GALNT9: variants seen among roughly 807,000 people sequenced by gnomAD.
The protein encoded by GALNT9 is GalNAc transferase 9.
In GALNT9, 47 loss-of-function variants were observed where a neutral mutation model predicts 63.1. The ratio of observed to expected loss-of-function variants is 0.75; its 90% CI spans 0.59 to 0.95. The LOEUF (loss-of-function observed/expected upper bound fraction) is 0.95. Among genes scored for constraint, GALNT9 ranks in the 40% least tolerant of loss-of-function variants. The probability of loss-of-function intolerance (pLI) is 0.00; values close to 1 mark genes in which losing one functional copy is unlikely to be tolerated. For missense variants in GALNT9, 829 were observed against 874.8 expected, an observed-to-expected ratio of 0.95 and a Z score of 0.66; for synonymous variants, 396 against 365.7, an observed-to-expected ratio of 1.08 and a Z score of -0.94.
chr12:132,201,285 AGGGTACAT>A (rs757138619), intron 7 of GALNT9, 24 bp from the exon 8 acceptor site: 4 of 1,572,810 alleles, frequency 2.5e-6, no homozygotes, highest in Non-Finnish European at 3.5e-6. Flanking sequence ...AGTAGGTGAG[AGGGTACAT>A]GGGTGTCACC....
chr12:132,255,278 T>C (rs1566001226), intron 5 of GALNT9, among the ~76,000 whole-genome samples: 2 of 152,214 alleles, frequency 1.3e-5, no homozygotes. Context: ...GCATCCAAAA[T>C]GACAGTTAGC....
chr12:132,267,842 T>C (rs67255899), intron 2 of GALNT9, among the ~76,000 whole-genome samples: 14,013 of 93,640 alleles, frequency 0.15, 2,244 homozygotes, highest in African/African-American at 0.42. Flanking sequence ...CACACATGCA[T>C]ACAACCCACA....
In GALNT9 at chr12:132,314,667, C is replaced by G. The variant is rs28392561; in HGVS notation, c.238+14299G>C. On this transcript the variant is annotated intron_variant, in intron 1 of 10. Coordinates refer to ENST00000328957, the MANE Select transcript of GALNT9 (RefSeq NM_001122636.2). ...AGCAGAGAGTGCAGGCTGCTGCCCC[C>G]CTGCCTGACTGTGAACTCCCAGGGG... Among the ~76,000 whole-genome samples the G allele has an allele frequency of 7.3e-3, 1,116 of 152,274 alleles. 11 individuals are homozygous for G. The highest frequency in any genetic ancestry group is 0.026 in the African/African-American group (1,067 of 41,526).
At chr12:132,277,493 T>G (rs1471095443) in intron 2 of GALNT9, 2 of 154,876 alleles carry the variant, frequency 1.3e-5, no homozygotes, top group Non-Finnish European at 2.9e-5. Flanking sequence ...GGGTTGGCAC[T>G]GGGGCAGACC....
rs1880937830 is a variant in GALNT9, at chr12:132,293,545, C to T, written c.239-7115G>A. Among the ~76,000 whole-genome samples the T allele has an allele frequency of 5.3e-5, 8 of 152,368 alleles. No individual in the cohort carries two copies. The South Asian group carries it at 1.4e-3, about 28-fold the overall frequency. ...ACACTTGTGCCCTGGGTACCGACAG[C>T]ACCTCAGCCTGTGGTTGGTGTGTTC... On this transcript the variant is annotated intron_variant, in intron 1 of 10. Transcript: ENST00000328957.
At chr12:132,225,014 C>A (rs1487990674) in intron 6 of GALNT9, among the ~76,000 whole-genome samples, 2 of 122,258 alleles carry the variant, frequency 1.6e-5, no homozygotes, top group African/African-American at 3.2e-5. Flanking sequence ...TATACGTACA[C>A]CCCCCCCACA....
At chr12:132,303,159 C>A (rs1298152214) in intron 1 of GALNT9, among the ~76,000 whole-genome samples, 1 of 152,068 alleles carries the variant, frequency 6.6e-6, no homozygotes, top group Non-Finnish European at 1.5e-5. Context: ...CTGTGGCCTT[C>A]ACCCGGTAGT....
At chr12:132,285,577 G>A (rs938905387) in intron 2 of GALNT9, among the ~76,000 whole-genome samples, 3 of 152,210 alleles carry the variant, frequency 2.0e-5, no homozygotes, top group East Asian at 1.9e-4. Context: ...TGGGAGGTGC[G>A]CAGGCCACGG....
chr12:132,267,020 CCCGAGGTGTGAT>C (rs1879625696), intron 2 of GALNT9, among the ~76,000 whole-genome samples: 3 of 152,184 alleles, frequency 2.0e-5, no homozygotes, highest in Admixed American at 2.0e-4. Context: ...AAAGGGGCAG[CCCGAGGTGTGAT>C]CCGCGTCTGG....
chr12:132,221,360 A>C, intron 6 of GALNT9, among the ~76,000 whole-genome samples: 1 of 100,360 alleles, frequency 1.0e-5, no homozygotes, highest in Admixed American at 1.1e-4. Context: ...CAAAAAAAAA[A>C]AAAAAAAAAA....
intron 1 of GALNT9, among the ~76,000 whole-genome samples, chr12:132,304,466 C>T (rs1168916378): frequency 2.1e-5 from 1 of 47,282 alleles, no homozygotes; most frequent in Admixed American, 2.3e-4. Context: ...GGCACAGCCT[C>T]GCCCGGGCAC....
Position 132,329,071 on chromosome 12 carries a change from G to A in GALNT9, c.133C>T (p.Arg45Cys). The A allele has an allele frequency of 6.5e-7, 1 of 1,547,568 alleles. No homozygotes were observed. Among genetic ancestry groups the A allele is most frequent in the Non-Finnish European group, 8.7e-7 (1 of 1,146,376 alleles). Residue 45 changes from arginine (R) to cysteine (C), a missense_variant, in exon 1 of 11, where the codon CGC becomes TGC. Coordinates refer to ENST00000328957, the MANE Select transcript of GALNT9 (RefSeq NM_001122636.2). ...TTGGCGTGTCGGCTGCGCACCCGGC[G>A]GTCGCCGCTCACGATGCGCACGAGC... Reference protein sequence around the residue: ...QELVRIVSGDRRVRSRHAKVG... With the variant: ...QELVRIVSGDCRVRSRHAKVG...
At chr12:132,298,057 GATAACCAACTCACTCCCACA>G (rs1328882060) in intron 1 of GALNT9, among the ~76,000 whole-genome samples, 2 of 151,702 alleles carry the variant, frequency 1.3e-5, no homozygotes, top group African/African-American at 4.9e-5. Flanking sequence ...TCACTCCCAT[GATAACCAACTCACTCCCACA>G]ATAACCAACT....
intron 1 of GALNT9, among the ~76,000 whole-genome samples, chr12:132,314,820 G>A (rs2135586844): frequency 6.6e-6 from 1 of 152,328 alleles, no homozygotes; most frequent in East Asian, 1.9e-4. Context: ...TGGAATCCTG[G>A]CATTCATGCA....
At chr12:132,277,485 G>C (rs1880144895) in intron 2 of GALNT9, 1 of 154,968 alleles carries the variant, frequency 6.5e-6, no homozygotes, top group Non-Finnish European at 1.5e-5. Context: ...GGTTGCTGGG[G>C]TTGGCACTGG....
intron 1 of GALNT9, among the ~76,000 whole-genome samples, chr12:132,325,663 G>A (rs578071617): frequency 2.6e-4 from 39 of 152,290 alleles, no homozygotes; most frequent in African/African-American, 9.4e-4. Flanking sequence ...GGGCCCCGTG[G>A]CCCACCCCGC....
chr12:132,265,481 G>A lies in GALNT9; in HGVS notation c.420-2856C>T, dbSNP rs945376165. Among the ~76,000 whole-genome samples the A allele has an allele frequency of 5.3e-5, 8 of 152,202 alleles. No individual in the cohort carries two copies. The highest frequency in any genetic ancestry group is 7.2e-5 in the African/African-American group (3 of 41,450). On this transcript the variant is annotated intron_variant, in intron 2 of 10. Coordinates refer to ENST00000328957, the MANE Select transcript of GALNT9 (RefSeq NM_001122636.2). The surrounding 1 kb of genome is among the most constrained non-coding windows in gnomAD (Gnocchi z 5.3). The stretch of plus-strand genomic sequence containing the variant: ...TATTGCAACTAGGATCTTTGCAGAT[G>A]TAATTGAGTTAGGGATCCTGAGATG...
chr12:132,309,438 T>C (rs1012935566), intron 1 of GALNT9, among the ~76,000 whole-genome samples: 1 of 152,212 alleles, frequency 6.6e-6, no homozygotes, highest in South Asian at 2.1e-4. Flanking sequence ...ACTCTGAACC[T>C]GTGGATGTGG....
intron 4 of GALNT9, among the ~76,000 whole-genome samples, chr12:132,260,008 C>G (rs1467814381): frequency 1.3e-5 from 1 of 74,488 alleles, no homozygotes; most frequent in Non-Finnish European, 4.6e-5. Flanking sequence ...GGGAACACAC[C>G]CTGAGCATTG....
Sources: allele counts gnomAD v4.1 joint callset (sites outside exome capture counted in the v4.1 genomes callset), GRCh38; gene constraint gnomAD v4.1.1; non-coding constraint Gnocchi (gnomAD v3.1); transcripts MANE v1.5; gene names NCBI Gene and HGNC (gene_info 2026-07-23, HGNC 2026-07-21).